The following SPOCK3 variants were observed in gnomAD, a reference collection of about 807,000 sequenced individuals.
SPOCK3 encodes SPARC (osteonectin), cwcv and kazal like domains proteoglycan 3.
In SPOCK3, 30 loss-of-function variants were observed where a neutral mutation model predicts 56.6. That is an observed-to-expected ratio of 0.53 (90% confidence interval 0.40 to 0.72). The LOEUF is 0.72. Among genes scored for constraint, SPOCK3 ranks in the 30% least tolerant of loss-of-function variants. The pLI is 0.00. For missense variants in SPOCK3, 527 were observed against 530.0 expected (o/e 0.99, Z 0.06); for synonymous variants, 196 against 183.3 (o/e 1.07, Z -0.56).
intron 2 of SPOCK3, among the ~76,000 whole-genome samples, chr4:167,107,395 AC>A (rs145777644): frequency 0.054 from 8,266 of 151,932 alleles, 329 homozygotes; most frequent in African/African-American, 0.11. Flanking sequence ...AAGGACAAAA[AC>A]CATATGATCA....
intron 6 of SPOCK3, among the ~76,000 whole-genome samples, chr4:166,866,205 T>G (rs2126928036): frequency 6.6e-6 from 1 of 152,176 alleles, no homozygotes; most frequent in East Asian, 1.9e-4. Context: ...TAATAAATGG[T>G]GCTGGGAAAA....
chr4:166,781,880 A>C (rs1259856138), intron 7 of SPOCK3, among the ~76,000 whole-genome samples: 1 of 152,188 alleles, frequency 6.6e-6, no homozygotes, highest in Non-Finnish European at 1.5e-5. Context: ...TGCTGAAACA[A>C]AACAAAACAA....
chr4:166,763,280 A>G (rs1737503884), intron 7 of SPOCK3, among the ~76,000 whole-genome samples: 1 of 152,004 alleles, frequency 6.6e-6, no homozygotes, highest in Non-Finnish European at 1.5e-5. Flanking sequence ...TACTCAAACA[A>G]AGAAAAAGCC....
intron 6 of SPOCK3, among the ~76,000 whole-genome samples, chr4:166,847,050 A>G (rs1340211098): frequency 1.3e-5 from 2 of 152,190 alleles, no homozygotes; most frequent in Middle Eastern, 3.4e-3. Flanking sequence ...AAATAATCCC[A>G]CTAGCCATCA....
At chr4:166,945,733 C>T (rs1413606541) in intron 4 of SPOCK3, among the ~76,000 whole-genome samples, 3 of 152,218 alleles carry the variant, frequency 2.0e-5, no homozygotes, top group African/African-American at 7.2e-5. Flanking sequence ...GCATAGTTGA[C>T]ATCTCATAGT....
chr4:167,132,051 C>T (rs920439513), intron 2 of SPOCK3, among the ~76,000 whole-genome samples: 1 of 152,142 alleles, frequency 6.6e-6, no homozygotes, highest in East Asian at 1.9e-4. Flanking sequence ...CAAATACCAA[C>T]ACCAATAAAT....
intron 2 of SPOCK3, among the ~76,000 whole-genome samples, chr4:167,130,995 T>C (rs1210446635): frequency 6.6e-6 from 1 of 152,188 alleles, no homozygotes; most frequent in Non-Finnish European, 1.5e-5. Flanking sequence ...TTCAAGACTC[T>C]AGACCAAATG....
intron 2 of SPOCK3, among the ~76,000 whole-genome samples, chr4:167,165,184 T>C (rs1241169616): frequency 6.6e-6 from 1 of 152,070 alleles, no homozygotes; most frequent in Non-Finnish European, 1.5e-5. Context: ...CTAAAAACAA[T>C]TGCAACAAAA....
chr4:166,925,750 G>A (rs1219977747), intron 4 of SPOCK3, among the ~76,000 whole-genome samples: 1 of 151,958 alleles, frequency 6.6e-6, no homozygotes, highest in Non-Finnish European at 1.5e-5. Flanking sequence ...TTGAGAGTGT[G>A]AAGAAATTTT....
At chr4:166,812,848 T>C (rs1743978014) in intron 6 of SPOCK3, among the ~76,000 whole-genome samples, 1 of 151,954 alleles carries the variant, frequency 6.6e-6, no homozygotes, top group Non-Finnish European at 1.5e-5. Context: ...AGAGTAACAA[T>C]ACATTATGAT....
rs574734461 is a variant in SPOCK3, at chr4:167,046,230, C to A, written c.235+16262G>T. Among the ~76,000 whole-genome samples the A allele has an allele frequency of 7.2e-4, 109 of 151,846 alleles. 1 individual carries two copies. Among genetic ancestry groups the A allele is most frequent in the African/African-American group, 2.5e-3 (105 of 41,478 alleles). On this transcript the variant is annotated intron_variant, in intron 3 of 10. Coordinates refer to ENST00000357545, the MANE Select transcript of SPOCK3 (RefSeq NM_001040159.2). Reference sequence around the variant, plus strand: ...TGTTTCCCCTCTTCCTGCCTGGCTTCTTTTGAGTTTTGTTTTGTTTTTGTT... The same window carrying A: ...TGTTTCCCCTCTTCCTGCCTGGCTTATTTTGAGTTTTGTTTTGTTTTTGTT...
At position 166,951,272 on chromosome 4, in the gene SPOCK3, T is replaced by C. The variant is rs1240909003; in HGVS notation, c.351-38529A>G. On this transcript the variant is annotated intron_variant, in intron 4 of 10. Coordinates refer to ENST00000357545, the MANE Select transcript of SPOCK3 (RefSeq NM_001040159.2). ...GATATCACCACCAATCCCACAGAAA[T>C]ACAAACTACCATCAGAGATTACTAC... Among the ~76,000 whole-genome samples, 20 of 139,924 alleles carry C rather than the reference T, an allele frequency of 1.4e-4. 3 individuals are homozygous for C. Among genetic ancestry groups the C allele is most frequent in the Non-Finnish European group, 2.0e-4 (13 of 65,874 alleles). The allele number at this position is 139,924 out of a possible 152,430, so 91.8% of individuals were successfully genotyped here.
intron 3 of SPOCK3, among the ~76,000 whole-genome samples, chr4:167,018,883 C>A (rs1750904233): frequency 6.6e-6 from 1 of 151,980 alleles, no homozygotes; most frequent in Non-Finnish European, 1.5e-5. Context: ...TTTTGCCCTG[C>A]TACAAACAGA....
chr4:167,189,433 T>C (rs1398649757), intron 2 of SPOCK3, among the ~76,000 whole-genome samples: 2 of 145,956 alleles, frequency 1.4e-5, no homozygotes, highest in Non-Finnish European at 3.0e-5. Context: ...GCTGATTTTA[T>C]AAACTTTTAA....
intron 2 of SPOCK3, among the ~76,000 whole-genome samples, chr4:167,126,928 C>T (rs1422208361): frequency 4.6e-5 from 7 of 152,206 alleles, no homozygotes; most frequent in Non-Finnish European, 8.8e-5. Context: ...CCAAAGAAAC[C>T]TGCCCTGTGC....
At chr4:166,767,674 G>T (rs1738289282) in intron 7 of SPOCK3, among the ~76,000 whole-genome samples, 2 of 152,156 alleles carry the variant, frequency 1.3e-5, no homozygotes, top group Admixed American at 1.3e-4. Context: ...TGTTGATTTG[G>T]GGTGAAGAGT....
chr4:167,071,402 C>T (rs910847938), intron 2 of SPOCK3, among the ~76,000 whole-genome samples: 5 of 151,900 alleles, frequency 3.3e-5, no homozygotes, highest in Non-Finnish European at 2.9e-5. Flanking sequence ...CCCCCCACCC[C>T]CTGACAGGCA....
At position 167,114,130 on chromosome 4, in the gene SPOCK3, A is replaced by G. The variant is rs553462586; in HGVS notation, c.190-51593T>C. On this transcript the variant is annotated intron_variant, in intron 2 of 10. Transcript: ENST00000357545. ...TACCAGACTAGCTTATAGCAGACCAAACTCTCCTCTAAAATAAACGAGAGA... is the reference window on the plus strand; with the variant it reads ...TACCAGACTAGCTTATAGCAGACCAGACTCTCCTCTAAAATAAACGAGAGA... 4.6e-5 allele frequency among the ~76,000 whole-genome samples: 7 copies of G among 152,248 alleles called. No individual in the cohort carries two copies. The East Asian group carries it at 1.2e-3, about 25-fold the overall frequency.
intron 3 of SPOCK3, among the ~76,000 whole-genome samples, chr4:167,047,848 A>C (rs1753861919): frequency 6.6e-6 from 1 of 152,120 alleles, no homozygotes; most frequent in Non-Finnish European, 1.5e-5. Flanking sequence ...AGGAGTTTGA[A>C]ACCAGCCTGG....
Sources: allele counts gnomAD v4.1 joint callset (sites outside exome capture counted in the v4.1 genomes callset), GRCh38; gene constraint gnomAD v4.1.1; transcripts MANE v1.5; gene names NCBI Gene and HGNC (gene_info 2026-07-23, HGNC 2026-07-21).